ARID2: variants seen among roughly 807,000 people sequenced by gnomAD.
ARID2 encodes AT-rich interaction domain 2, also known as AT-rich interactive domain-containing protein 2.
ARID2 carries 32 observed loss-of-function variants against 184.6 expected under a neutral mutation model. That is an observed-to-expected ratio of 0.17 (90% CI 0.13 to 0.23). The LOEUF is 0.23. Among genes scored for constraint, ARID2 ranks in the 10% least tolerant of loss-of-function variants. ARID2 has a pLI of 1.00. For synonymous variants in ARID2, 836 were observed against 772.6 expected (o/e 1.08, Z -1.36); for missense variants, 1,696 against 2,197.6 (o/e 0.77, Z 4.56).
At chr12:45,884,491 C>T (rs1944155059) in intron 16 of ARID2, among the ~76,000 whole-genome samples, 1 of 152,088 alleles carries the variant, frequency 6.6e-6, no homozygotes, top group Non-Finnish European at 1.5e-5. Context: ...CTGTTTCAGC[C>T]CAATATTCAT....
intron 16 of ARID2, among the ~76,000 whole-genome samples, chr12:45,885,600 G>A (rs10161001): frequency 0.085 from 12,993 of 152,176 alleles, 1,903 homozygotes; most frequent in African/African-American, 0.29. Context: ...TTCTTATGCT[G>A]CTATAAAGAA....
chr12:45,893,834 C>G, intron 20 of ARID2, 113 bp downstream of exon 20: 1 of 915,602 alleles, frequency 1.1e-6, no homozygotes, highest in Non-Finnish European at 1.6e-6. Flanking sequence ...ATCAATTTTG[C>G]AAATACATCC....
chr12:45,870,978 G>A lies in ARID2; in HGVS notation c.4922+10029G>A, dbSNP rs188713959. Among the ~76,000 whole-genome samples, 6 of 152,280 alleles carry A rather than the reference G, an allele frequency of 3.9e-5. No individual in the cohort carries two copies. In the East Asian group the frequency reaches 1.2e-3, roughly 29 times the overall value. On this transcript the variant is annotated intron_variant, in intron 16 of 20. Coordinates refer to ENST00000334344, the MANE Select transcript of ARID2 (RefSeq NM_152641.4). ...ACTAACTCATTTGGGCAAACACCTA[G>A]GATTATAATTGCTGGATCATATGAT...
chr12:45,761,252 A>C (rs1440411641), intron 3 of ARID2, among the ~76,000 whole-genome samples: 1 of 152,152 alleles, frequency 6.6e-6, no homozygotes, highest in African/African-American at 2.4e-5. Context: ...GGGTGATGTG[A>C]TGTTTTAATT....
chr12:45,821,203 A>G (rs1942888415), intron 5 of ARID2, among the ~76,000 whole-genome samples: 1 of 152,102 alleles, frequency 6.6e-6, no homozygotes, highest in South Asian at 2.1e-4. Context: ...AAAAGAGTCT[A>G]TATTATTAAT....
intron 5 of ARID2, among the ~76,000 whole-genome samples, chr12:45,820,742 A>G (rs1942881506): frequency 6.6e-6 from 1 of 152,180 alleles, no homozygotes; most frequent in Non-Finnish European, 1.5e-5. Context: ...AGCAGCATGA[A>G]GGAGAAAAAA....
At chr12:45,771,120 A>T (rs1323175709) in intron 3 of ARID2, among the ~76,000 whole-genome samples, 1 of 152,216 alleles carries the variant, frequency 6.6e-6, no homozygotes, top group Non-Finnish European at 1.5e-5. Flanking sequence ...AAGATAGTAT[A>T]AATGCATATT....
chr12:45,829,269 A>G (rs181064465), intron 6 of ARID2, among the ~76,000 whole-genome samples: 1 of 152,228 alleles, frequency 6.6e-6, no homozygotes, highest in Non-Finnish European at 1.5e-5. Flanking sequence ...TGAAAGTACC[A>G]GATTTTTAGT....
intron 3 of ARID2, among the ~76,000 whole-genome samples, chr12:45,750,165 C>T (rs188467050): frequency 1.0e-3 from 156 of 152,222 alleles, no homozygotes; most frequent in African/African-American, 3.4e-3. Flanking sequence ...TTCACTTGAA[C>T]GCTTAGAGGC....
chr12:45,817,973 GT>G, intron 5 of ARID2, 85 bp downstream of exon 5: 2 of 992,366 alleles, frequency 2.0e-6, no homozygotes, highest in Non-Finnish European at 2.9e-6. Flanking sequence ...CTTTTTGTTT[GT>G]CAACATAATA....
chr12:45,825,365 C>T (rs1021014915), intron 6 of ARID2, among the ~76,000 whole-genome samples: 3 of 151,984 alleles, frequency 2.0e-5, no homozygotes, highest in Non-Finnish European at 4.4e-5. Flanking sequence ...TAAGTACATA[C>T]AGTTGTTATA....
At position 45,850,608 on chromosome 12, in the gene ARID2, G is replaced by C. The variant is rs1402994225; in HGVS notation, c.2485G>C (p.Val829Leu). The C allele has an allele frequency of 6.2e-7, 1 of 1,614,070 alleles. No individual in the cohort carries two copies. Residue 829 changes from valine to leucine, a missense_variant, in exon 15 of 21, where the codon GTG becomes CTG. Val to Leu is a conservative substitution (Grantham distance 32). This residue lies in a region of ARID2 where 713 missense variants were observed against 824.4 expected (regional missense o/e 0.86). Coordinates refer to ENST00000334344, the MANE Select transcript of ARID2 (RefSeq NM_152641.4). ...GTTAATCACCACATCACCCCAACCT[G>C]TGCAAACTTCATCTCAACAGACATC... ...QQLITTSPQP[V>L]QTSSQQTSAG...
intron 3 of ARID2, among the ~76,000 whole-genome samples, chr12:45,805,475 A>G (rs1229253545): frequency 1.3e-5 from 2 of 152,016 alleles, no homozygotes; most frequent in Non-Finnish European, 2.9e-5. Context: ...TTATATCTTT[A>G]TATTCTTAAT....
chr12:45,849,315 G>A (rs907763442), intron 13 of ARID2, among the ~76,000 whole-genome samples: 2 of 152,070 alleles, frequency 1.3e-5, no homozygotes, highest in Admixed American at 6.6e-5. Flanking sequence ...ATTTTGCAAA[G>A]TACATAAAAA....
At chr12:45,829,432 A>C (rs772075258) in intron 6 of ARID2, among the ~76,000 whole-genome samples, 38 of 152,180 alleles carry the variant, frequency 2.5e-4, no homozygotes, top group Middle Eastern at 3.4e-3. Context: ...CCCAGAAAGC[A>C]GATCTTTTAA....
At chr12:45,732,598 CAA>C (rs1010011029) in intron 3 of ARID2, among the ~76,000 whole-genome samples, 2 of 152,086 alleles carry the variant, frequency 1.3e-5, no homozygotes, top group South Asian at 2.1e-4. Flanking sequence ...GGGTGAGAAA[CAA>C]GAGAGTTTTA....
intron 3 of ARID2, among the ~76,000 whole-genome samples, chr12:45,759,724 T>A (rs1341772760): frequency 6.6e-6 from 1 of 152,144 alleles, no homozygotes; most frequent in Admixed American, 6.6e-5. Flanking sequence ...AAATTTTAAT[T>A]GCACCAATTG....
At chr12:45,821,371 G>A (rs772387781) in intron 5 of ARID2, 49 bp from the exon 6 acceptor site, 1 of 1,159,596 alleles carries the variant, frequency 8.6e-7, no homozygotes, top group Non-Finnish European at 1.2e-6. Context: ...TTAATTGAAA[G>A]AATTTATTGC....
At chr12:45,835,172 T>A (rs542600183) in intron 6 of ARID2, among the ~76,000 whole-genome samples, 47 of 152,344 alleles carry the variant, frequency 3.1e-4, no homozygotes, top group African/African-American at 9.9e-4. Flanking sequence ...TTAATTTTAG[T>A]TATGTTTTTC....
Sources: allele counts gnomAD v4.1 joint callset (sites outside exome capture counted in the v4.1 genomes callset), GRCh38; gene constraint gnomAD v4.1.1; regional missense constraint gnomAD v4.1.1; transcripts MANE v1.5; gene names NCBI Gene and HGNC (gene_info 2026-07-23, HGNC 2026-07-21).